The following DMXL2 variants were observed in gnomAD, a reference collection of about 807,000 sequenced individuals.
DMXL2 encodes the protein dmX-like protein 2.
In DMXL2, 103 loss-of-function variants were observed where a neutral mutation model predicts 331.1. The ratio of observed to expected loss-of-function variants is 0.31; its 90% CI spans 0.27 to 0.37. DMXL2 has a LOEUF of 0.37. Among genes scored for constraint, DMXL2 ranks in the 10% least tolerant of loss-of-function variants. The pLI is 1.00. For missense variants in DMXL2, 3,171 were observed against 3,642.9 expected (o/e 0.87, Z 3.33); for synonymous variants, 1,281 against 1,252.1 (o/e 1.02, Z -0.49).
chr15:51,612,119 C>T (rs1410268094), intron 1 of DMXL2, among the ~76,000 whole-genome samples: 1 of 152,172 alleles, frequency 6.6e-6, no homozygotes, highest in Non-Finnish European at 1.5e-5. Context: ...AACCCACTGG[C>T]AGGAACCAAT....
At chr15:51,464,594 A>C in intron 32 of DMXL2, 81 bp downstream of exon 32, 1 of 1,144,856 alleles carries the variant, frequency 8.7e-7, no homozygotes, top group South Asian at 1.5e-5. Context: ...AATGTTTTAA[A>C]GTATATTGGC....
At chr15:51,460,029 G>A (rs1344825984) in intron 33 of DMXL2, 2 of 975,826 alleles carry the variant, frequency 2.0e-6, no homozygotes, top group Admixed American at 6.2e-5. Context: ...TATAGGGGTT[G>A]ATTTAAAATA....
At chr15:51,452,820 T>C (rs1021942177) in intron 41 of DMXL2, among the ~76,000 whole-genome samples, 24 of 152,070 alleles carry the variant, frequency 1.6e-4, no homozygotes, top group Admixed American at 7.2e-4. Flanking sequence ...CAATTCACAA[T>C]TGCAAAACTA....
In DMXL2 at chr15:51,476,677, T is replaced by C. The variant is rs2140341154; in HGVS notation, c.6876A>G (p.Gln2292=). Residue 2292 remains glutamine, a synonymous_variant, in exon 27 of 44, where the codon CAA becomes CAG. Coordinates refer to ENST00000560891, the MANE Select transcript of DMXL2 (RefSeq NM_001378457.1). ...TTCTACGATCACTTAAAAGAAGTCC[T>C]TGATAAGCCATTCCTGTAAACTGAT... ...EGNQFTGMAY[Q]GLLLSDRRRL... is the part of the protein sequence containing the mutation. 6.2e-7 allele frequency: 1 copy of C among 1,609,508 alleles called. No individual in the cohort carries two copies. The highest frequency in any genetic ancestry group is 8.5e-7 in the Non-Finnish European group (1 of 1,178,630).
At chr15:51,520,073 A>G (rs1467660740) in intron 13 of DMXL2, among the ~76,000 whole-genome samples, 1 of 152,246 alleles carries the variant, frequency 6.6e-6, no homozygotes, top group East Asian at 1.9e-4. Flanking sequence ...AGTCTCAGCT[A>G]TTTCCAACAG....
At chr15:51,566,020 C>T (rs1187328151) in intron 3 of DMXL2, among the ~76,000 whole-genome samples, 1 of 152,058 alleles carries the variant, frequency 6.6e-6, no homozygotes, top group African/African-American at 2.4e-5. Flanking sequence ...CCAGCCTGGG[C>T]AACATTGCAA....
intron 1 of DMXL2, 119 bp from the exon 2 acceptor site, chr15:51,576,300 T>C: frequency 1.3e-6 from 1 of 744,302 alleles, no homozygotes; most frequent in Non-Finnish European, 1.9e-6. Context: ...TTGGGACATT[T>C]TACAAAATAG....
At chr15:51,513,240 A>T (rs976390981) in intron 15 of DMXL2, among the ~76,000 whole-genome samples, 1 of 152,214 alleles carries the variant, frequency 6.6e-6, no homozygotes, top group African/African-American at 2.4e-5. Flanking sequence ...ACTTTATATA[A>T]GCATTGAATT....
chr15:51,573,846 A>G (rs2050836119), intron 2 of DMXL2, among the ~76,000 whole-genome samples: 1 of 152,136 alleles, frequency 6.6e-6, no homozygotes, highest in South Asian at 2.1e-4. Flanking sequence ...GTATAATAAA[A>G]AATATATATA....
rs771001967 is a variant in DMXL2 at position 51,481,632 on chromosome 15, A to G, written c.5483-9T>C. 2.0e-5 allele frequency: 30 copies of G among 1,523,298 alleles called. No individual in the cohort carries two copies. The African/African-American group carries it at 2.8e-4, about 14-fold the overall frequency. The allele number at this position is 1,523,298 out of a possible 1,614,324, so 94.4% of individuals were successfully genotyped here. On this transcript the variant is annotated splice_polypyrimidine_tract_variant and intron_variant, in intron 23 of 43. Coordinates refer to ENST00000560891, the MANE Select transcript of DMXL2 (RefSeq NM_001378457.1). ...ACAAGACTTGATGATAACTATAGAA[A>G]TCAAACAGATAAAATCACAAAGCAT...
intron 28 of DMXL2, 32 bp from the exon 29 acceptor site, chr15:51,471,433 G>A (rs1472449397): frequency 3.0e-5 from 46 of 1,551,172 alleles, no homozygotes; most frequent in Non-Finnish European, 3.9e-5. Flanking sequence ...AAAAAATCTA[G>A]CATTCATTTT....
chr15:51,474,006 C>CTTTT (rs531233667), intron 28 of DMXL2, among the ~76,000 whole-genome samples: 2 of 142,330 alleles, frequency 1.4e-5, no homozygotes, highest in African/African-American at 5.1e-5. Context: ...TTTGTTTTTG[C>CTTTT]TTTTTTTTTT....
At chr15:51,601,509 C>G (rs2053229503) in intron 1 of DMXL2, among the ~76,000 whole-genome samples, 1 of 152,138 alleles carries the variant, frequency 6.6e-6, no homozygotes, top group Non-Finnish European at 1.5e-5. Flanking sequence ...GATGTCCCAG[C>G]ACCACTGATT....
chr15:51,542,130 T>C (rs2048631271), intron 9 of DMXL2, among the ~76,000 whole-genome samples: 2 of 152,202 alleles, frequency 1.3e-5, no homozygotes. Context: ...AAATAGTTAC[T>C]GAAGTTAATA....
intron 39 of DMXL2, 88 bp from the exon 40 acceptor site, chr15:51,455,316 C>T: frequency 1.9e-6 from 2 of 1,076,990 alleles, no homozygotes; most frequent in South Asian, 1.3e-5. Flanking sequence ...TAAGGCCCTA[C>T]TAAATAAACA....
chr15:51,577,189 G>A (rs142218747), intron 1 of DMXL2, among the ~76,000 whole-genome samples: 339 of 152,184 alleles, frequency 2.2e-3, no homozygotes, highest in Non-Finnish European at 3.7e-3. Flanking sequence ...GTATTTTTCC[G>A]CACTGTTTCC....
At chr15:51,480,303 G>A (rs767670350) in intron 24 of DMXL2, among the ~76,000 whole-genome samples, 164 bp from the exon 25 acceptor site, 30 of 152,194 alleles carry the variant, frequency 2.0e-4, no homozygotes, top group Non-Finnish European at 4.3e-4. Context: ...TATGCTAGAT[G>A]TAGATGGTAT....
At chr15:51,621,063 C>T (rs1284465525) in intron 1 of DMXL2, among the ~76,000 whole-genome samples, 3 of 151,390 alleles carry the variant, frequency 2.0e-5, no homozygotes, top group African/African-American at 7.3e-5. Flanking sequence ...ATCTGCACTA[C>T]TGGGGAACAG....
chr15:51,471,496 T>C (rs1186929880), intron 28 of DMXL2, 95 bp from the exon 29 acceptor site: 2 of 1,254,006 alleles, frequency 1.6e-6, no homozygotes, highest in Non-Finnish European at 2.2e-6. Context: ...CTTGCCATGT[T>C]TTGGTCTAAA....
Sources: allele counts gnomAD v4.1 joint callset (sites outside exome capture counted in the v4.1 genomes callset), GRCh38; gene constraint gnomAD v4.1.1; transcripts MANE v1.5; gene names NCBI Gene and HGNC (gene_info 2026-07-23, HGNC 2026-07-21).